Variants in PCDH9 observed in about 807,000 individuals in gnomAD.
The protein encoded by PCDH9 is protocadherin 9, also known as protocadherin-9.
A neutral mutation model predicts 70.6 loss-of-function variants in PCDH9; 24 were observed. The ratio of observed to expected loss-of-function variants is 0.34; its 90% confidence interval spans 0.25 to 0.48. The LOEUF is 0.48. Among genes scored for constraint, PCDH9 ranks in the 20% least tolerant of loss-of-function variants. The pLI is 0.99. For missense variants in PCDH9, 1,281 were observed against 1,503.6 expected (o/e 0.85, Z 2.45); for synonymous variants, 562 against 558.5 (o/e 1.01, Z -0.09).
Position 66,368,690 on chromosome 13 carries a change from C to G in PCDH9, c.3341-63662G>C, listed in dbSNP as rs149136894. Among the ~76,000 whole-genome samples the G allele has an allele frequency of 7.6e-3, 1,160 of 152,002 alleles. 12 individuals carry two copies. The highest frequency in any genetic ancestry group is 0.01 in the Middle Eastern group (3 of 294). On this transcript the variant is annotated intron_variant, in intron 4 of 4. Coordinates refer to ENST00000377865, the MANE Select transcript of PCDH9 (RefSeq NM_203487.3). ...TATGATTAGTGTATTAGTCCATTTT[C>G]ATGCTGCTGATAAAAACATACCCAA...
chr13:66,458,090 C>CT (rs1293117204), intron 4 of PCDH9, among the ~76,000 whole-genome samples: 2 of 151,936 alleles, frequency 1.3e-5, no homozygotes, highest in African/African-American at 4.8e-5. Context: ...ACAAATCATG[C>CT]TTTTTTCTGT....
At position 67,022,321 on chromosome 13, in the gene PCDH9, G is replaced by A. The variant is rs371764822; in HGVS notation, c.3037-118716C>T. ...ATTTTTGTAGAGATGGGGTTTCTCCGTGTTGGTCAGGCTGGTCTCGAACTC... is the reference window on the plus strand; with the variant it reads ...ATTTTTGTAGAGATGGGGTTTCTCCATGTTGGTCAGGCTGGTCTCGAACTC... On this transcript the variant is annotated intron_variant, in intron 2 of 4. Transcript: ENST00000377865. Among the ~76,000 whole-genome samples, 165 of 151,458 alleles carry A rather than the reference G, an allele frequency of 1.1e-3. 1 individual carries two copies. The highest frequency in any genetic ancestry group is 3.7e-3 in the African/African-American group (154 of 41,284).
At chr13:66,811,209 G>T (rs1055577831) in intron 3 of PCDH9, among the ~76,000 whole-genome samples, 2 of 152,068 alleles carry the variant, frequency 1.3e-5, no homozygotes, top group African/African-American at 2.4e-5. Flanking sequence ...TTAATTCACA[G>T]CCTCTTGAGT....
intron 2 of PCDH9, among the ~76,000 whole-genome samples, chr13:66,995,740 A>G (rs1389689702): frequency 6.6e-6 from 1 of 152,166 alleles, no homozygotes. Context: ...TCATTCTATA[A>G]AAAGATTGAA....
intron 2 of PCDH9, among the ~76,000 whole-genome samples, chr13:67,115,325 C>A (rs111495493): frequency 6.6e-6 from 1 of 152,152 alleles, no homozygotes; most frequent in Non-Finnish European, 1.5e-5. Flanking sequence ...GCAGGCCTCG[C>A]ACCTTGAGCC....
At chr13:66,758,735 T>C (rs1358164733) in intron 3 of PCDH9, among the ~76,000 whole-genome samples, 1 of 152,072 alleles carries the variant, frequency 6.6e-6, no homozygotes, top group African/African-American at 2.4e-5. Flanking sequence ...AATTCAACAG[T>C]GATGCCGTCA....
chr13:66,896,683 T>C lies in PCDH9; in HGVS notation c.3138+6821A>G, dbSNP rs145276853. On this transcript the variant is annotated intron_variant, in intron 3 of 4. Coordinates refer to ENST00000377865, the MANE Select transcript of PCDH9 (RefSeq NM_203487.3). Reference sequence around the variant, plus strand: ...ACACAAATTGAAAAACATTATGTAGTCATGTTTCTTAATAACTAAAAATGT... The same window carrying C: ...ACACAAATTGAAAAACATTATGTAGCCATGTTTCTTAATAACTAAAAATGT... Among the ~76,000 whole-genome samples the C allele has an allele frequency of 2.6e-4, 39 of 152,278 alleles. No homozygotes were observed. The East Asian group carries it at 6.8e-3, about 26-fold the overall frequency.
At chr13:66,776,908 C>A (rs906569428) in intron 3 of PCDH9, among the ~76,000 whole-genome samples, 3 of 144,396 alleles carry the variant, frequency 2.1e-5, no homozygotes, top group Non-Finnish European at 4.6e-5. Context: ...ACCAAAACAG[C>A]ATGGTACTGG....
chr13:66,983,385 C>T (rs1420504694), intron 2 of PCDH9, among the ~76,000 whole-genome samples: 1 of 151,936 alleles, frequency 6.6e-6, no homozygotes, highest in Non-Finnish European at 1.5e-5. Context: ...CCTTTACTAT[C>T]CATTAGAGTT....
At chr13:66,782,570 A>G (rs886546250) in intron 3 of PCDH9, 8 of 152,312 alleles carry the variant, frequency 5.3e-5, no homozygotes, top group African/African-American at 1.7e-4. Flanking sequence ...TTTTTGCAGC[A>G]ATTTCCTGAA....
chr13:66,779,849 C>CTCTCTCTCTCTATA (rs1395244975), intron 3 of PCDH9, among the ~76,000 whole-genome samples: 15 of 78,906 alleles, frequency 1.9e-4, no homozygotes, highest in African/African-American at 7.2e-4. Context: ...CTCTCTCTCT[C>CTCTCTCTCTCTATA]TATATATATA....
intron 4 of PCDH9, among the ~76,000 whole-genome samples, chr13:66,526,232 A>G (rs962133013): frequency 2.0e-5 from 3 of 152,160 alleles, no homozygotes; most frequent in African/African-American, 7.2e-5. Context: ...TATTTATTTT[A>G]ATTATGAGCT....
At chr13:66,980,078 C>CTCTATCTATCTATCTA (rs34374674) in intron 2 of PCDH9, among the ~76,000 whole-genome samples, 10 of 147,132 alleles carry the variant, frequency 6.8e-5, no homozygotes, top group South Asian at 2.2e-4. Flanking sequence ...AATTATCCAT[C>CTCTATCTATCTATCTA]TCTATCTATC....
Position 66,979,233 on chromosome 13 carries a change from C to T in PCDH9, c.3037-75628G>A, listed in dbSNP as rs553916100. ...ACCTGGAATGCATGCAAAGATGGAG[C>T]CTAGGCAAACCTTCTCATAATTATG... is the stretch of plus-strand genomic sequence containing the variant. On this transcript the variant is annotated intron_variant, in intron 2 of 4. Coordinates refer to ENST00000377865, the MANE Select transcript of PCDH9 (RefSeq NM_203487.3). Among the ~76,000 whole-genome samples, 6 of 152,172 alleles carry T rather than the reference C, an allele frequency of 3.9e-5. No individual in the cohort carries two copies. In the East Asian group the frequency reaches 9.7e-4, roughly 24 times the overall value.
At chr13:66,746,544 A>G (rs1262386818) in intron 3 of PCDH9, among the ~76,000 whole-genome samples, 1 of 152,172 alleles carries the variant, frequency 6.6e-6, no homozygotes, top group Non-Finnish European at 1.5e-5. Flanking sequence ...ATAAGTCATT[A>G]ATAGTAAAAT....
intron 2 of PCDH9, among the ~76,000 whole-genome samples, chr13:66,955,755 G>C (rs1203198693): frequency 2.0e-5 from 3 of 152,114 alleles, no homozygotes; most frequent in African/African-American, 7.2e-5. Flanking sequence ...ATTCAAGGGA[G>C]AAATTGCGTT....
intron 2 of PCDH9, among the ~76,000 whole-genome samples, chr13:67,180,654 G>A (rs754050138): frequency 2.6e-5 from 4 of 152,212 alleles, no homozygotes; most frequent in East Asian, 1.9e-4. Flanking sequence ...CTTCACGAGC[G>A]GAGCCAACTT....
At chr13:66,587,903 T>A (rs2076984563) in intron 4 of PCDH9, among the ~76,000 whole-genome samples, 1 of 151,944 alleles carries the variant, frequency 6.6e-6, no homozygotes, top group African/African-American at 2.4e-5. Flanking sequence ...AGGTAGAGGA[T>A]AATAATTCAT....
intron 2 of PCDH9, among the ~76,000 whole-genome samples, chr13:67,104,072 C>A (rs1469474780): frequency 6.6e-6 from 1 of 152,166 alleles, no homozygotes; most frequent in Non-Finnish European, 1.5e-5. Flanking sequence ...TTGTATTCCT[C>A]TCTCAGTGAT....
Sources: allele counts gnomAD v4.1 joint callset (sites outside exome capture counted in the v4.1 genomes callset), GRCh38; gene constraint gnomAD v4.1.1; transcripts MANE v1.5; gene names NCBI Gene and HGNC (gene_info 2026-07-23, HGNC 2026-07-21).